The following TMCC2 variants were observed in gnomAD, a reference collection of about 807,000 sequenced individuals.
TMCC2 encodes transmembrane and coiled-coil domains protein 2.
A neutral mutation model predicts 49.4 loss-of-function variants in TMCC2; 16 were observed. That is an observed-to-expected ratio of 0.32 (90% confidence interval 0.22 to 0.49). The LOEUF (loss-of-function observed/expected upper bound fraction) is 0.49, where lower values mean the gene tolerates loss of function less well. Ranked by LOEUF, TMCC2 falls within the 20% of genes least tolerant of loss-of-function variation. The probability of loss-of-function intolerance (pLI) is 0.99; values close to 1 mark genes in which losing one functional copy is unlikely to be tolerated. For synonymous variants in TMCC2, 397 were observed against 434.1 expected (o/e 0.91, Z 1.06); for missense variants, 762 against 989.8 (o/e 0.77, Z 3.09).
chr1:205,260,869 C>G (rs1385985628), intron 2 of TMCC2, among the ~76,000 whole-genome samples: 1 of 152,176 alleles, frequency 6.6e-6, no homozygotes, highest in Admixed American at 6.5e-5. Context: ...TTGTTTCTTT[C>G]ATGGCCGAAT....
At position 205,266,453 on chromosome 1, in the gene TMCC2, C is replaced by T. The variant is rs1003236448; in HGVS notation, c.748-2497C>T. ...TAAAAATACAAAAAAATTAGCCGGG[C>T]GTGGCGGCTCATGCCTGTAATCCCA... On this transcript the variant is annotated intron_variant, in intron 2 of 4. Transcript: ENST00000358024. 2.8e-4 allele frequency among the ~76,000 whole-genome samples: 43 copies of T among 151,602 alleles called. 1 individual carries two copies. Among genetic ancestry groups the T allele is most frequent in the Non-Finnish European group, 1.5e-4 (10 of 67,904 alleles).
rs1159994575 is a variant in TMCC2 at position 205,228,529 on chromosome 1, G to GCC, written c.-36_-35insCC. On this transcript the variant is annotated 5_prime_UTR_variant, in exon 1 of 5. Coordinates refer to ENST00000358024, the MANE Select transcript of TMCC2 (RefSeq NM_014858.4). ...GCGGTCTTCCCCAAGACGGCGCGCTGGAAGGACAGATTCCCCTTGCCGACC... is the reference window on the plus strand; with the variant it reads ...GCGGTCTTCCCCAAGACGGCGCGCTGCCGAAGGACAGATTCCCCTTGCCGACC... 1.1e-5 allele frequency: 18 copies of GCC among 1,567,488 alleles called. No individual in the cohort carries two copies. Among genetic ancestry groups the GCC allele is most frequent in the Non-Finnish European group, 1.6e-5 (18 of 1,150,300 alleles).
chr1:205,248,886 C>T (rs1024382796), intron 2 of TMCC2, among the ~76,000 whole-genome samples: 3 of 152,154 alleles, frequency 2.0e-5, no homozygotes, highest in East Asian at 3.8e-4. Context: ...AGGAAGGGGA[C>T]GCAGCACAGG....
rs147734146 is a variant in TMCC2, at chr1:205,269,330, G to A, written c.1128G>A (p.Val376=). 2.0e-4 allele frequency: 320 copies of A among 1,613,274 alleles called. No individual in the cohort carries two copies. The highest frequency in any genetic ancestry group is 2.2e-4 in the Non-Finnish European group (265 of 1,179,900). ...GGCCCTCGCGGCAGCCCAAGGACGT[G>A]CTGCGGGACATGCAGCAGGGGCTGA... ...QNGPSRQPKD[V]LRDMQQGLKD... is the part of the protein sequence containing the mutation. Residue 376 remains valine, a synonymous_variant, in exon 3 of 5, where the codon GTG becomes GTA. Coordinates refer to ENST00000358024, the MANE Select transcript of TMCC2 (RefSeq NM_014858.4).
chr1:205,247,031 C>T (rs763008994), intron 2 of TMCC2, among the ~76,000 whole-genome samples: 3 of 152,224 alleles, frequency 2.0e-5, no homozygotes, highest in South Asian at 2.1e-4. Flanking sequence ...TTATGGAAGA[C>T]GAGACCCAGA....
At position 205,269,680 on chromosome 1, in the gene TMCC2, C is replaced by T. The variant is rs759349387; in HGVS notation, c.1478C>T (p.Ser493Phe). The change falls in exon 3 of 5, where the codon TCT (serine) becomes TTT (phenylalanine). Residue 493 changes from serine (S) to phenylalanine (F), a missense_variant. Ser to Phe is a radical substitution (Grantham distance 155, BLOSUM62 -2). Around this residue, in one of 2 missense-constraint regions of TMCC2, gnomAD observed 440 missense variants for 636.7 expected, o/e 0.69. Coordinates refer to ENST00000358024, the MANE Select transcript of TMCC2 (RefSeq NM_014858.4). ...SASSAGAGSN[S>F]GAGPGGALGS... ...AGCTCAGCCGGGGCAGGCAGCAACT[C>T]TGGGGCTGGGCCTGGTGGGGCGCTG... The T allele has an allele frequency of 9.9e-6, 16 of 1,613,836 alleles. No homozygotes were observed. The highest frequency in any genetic ancestry group is 8.5e-7 in the Non-Finnish European group (1 of 1,179,948).
chr1:205,256,554 C>T, intron 2 of TMCC2: 2 of 898,062 alleles, frequency 2.2e-6, no homozygotes, highest in South Asian at 3.0e-5. Flanking sequence ...GATCTCAGGG[C>T]AGAAGAATTC....
rs567290636 is a variant in TMCC2 at position 205,255,172 on chromosome 1, C to T, written c.747+13128C>T. Among the ~76,000 whole-genome samples, 4 of 142,716 alleles carry T rather than the reference C, an allele frequency of 2.8e-5. No individual in the cohort carries two copies. In the East Asian group the frequency reaches 8.0e-4, roughly 29 times the overall value. The allele number at this position is 142,716 out of a possible 152,430, so 93.6% of individuals were successfully genotyped here. ...GAGGTGTGATCGTGCCACTGCACTC[C>T]AGTCTGGGTGACAGAGCAAGATCCT... On this transcript the variant is annotated intron_variant, in intron 2 of 4. Transcript: ENST00000358024.
intron 1 of TMCC2, among the ~76,000 whole-genome samples, chr1:205,240,713 T>C (rs1660231311): frequency 6.6e-6 from 1 of 152,158 alleles, no homozygotes; most frequent in Admixed American, 6.5e-5. Flanking sequence ...TCGTCAACCA[T>C]GTCATCTTGT....
intron 2 of TMCC2, among the ~76,000 whole-genome samples, chr1:205,246,071 G>T (rs966320801): frequency 1.3e-5 from 2 of 152,052 alleles, no homozygotes; most frequent in African/African-American, 4.8e-5. Context: ...CAGGGCATCT[G>T]GTTCAGAAGC....
chr1:205,252,984 A>G (rs1172203812), intron 2 of TMCC2, among the ~76,000 whole-genome samples: 1 of 151,648 alleles, frequency 6.6e-6, no homozygotes, highest in Admixed American at 6.6e-5. Context: ...TAATAATAAA[A>G]CTAGCTGAGT....
intron 2 of TMCC2, among the ~76,000 whole-genome samples, chr1:205,261,509 T>C (rs138041542): frequency 1.3e-5 from 2 of 152,168 alleles, no homozygotes; most frequent in East Asian, 1.9e-4. Context: ...AGCCCACTTA[T>C]TTCCTTTCTA....
At chr1:205,265,425 T>C (rs913774900) in intron 2 of TMCC2, among the ~76,000 whole-genome samples, 7 of 152,270 alleles carry the variant, frequency 4.6e-5, no homozygotes, top group South Asian at 2.1e-4. Flanking sequence ...AAAACACTTT[T>C]GCTTTTCACA....
Position 205,241,900 on chromosome 1 carries a change from C to G in TMCC2, c.603C>G (p.Ala201=), listed in dbSNP as rs138237601. The G allele has an allele frequency of 1.5e-3, 2,473 of 1,609,194 alleles. 4 individuals are homozygous for G. The highest frequency in any genetic ancestry group is 2.0e-3 in the Non-Finnish European group (2,306 of 1,179,112). The change falls in exon 2 of 5, where the codon GCC becomes GCG. Residue 201 remains alanine (A), a synonymous_variant. Transcript: ENST00000358024. This position sits in a 1 kb window ranked among gnomAD's most constrained non-coding sequence, Gnocchi z 7.3. ...QRGSPHLLRK[A]PQDSSLAAIL... ...GCAGCCCTCACCTGCTGCGCAAGGCCCCCCAGGACAGCAGCCTGGCCGCCA... is the reference window on the plus strand; with the variant it reads ...GCAGCCCTCACCTGCTGCGCAAGGCGCCCCAGGACAGCAGCCTGGCCGCCA...
intron 1 of TMCC2, among the ~76,000 whole-genome samples, chr1:205,237,555 C>T (rs996045047): frequency 5.3e-5 from 8 of 152,326 alleles, no homozygotes; most frequent in African/African-American, 1.9e-4. Flanking sequence ...TGAGAACACA[C>T]GTACCTGTAA....
At chr1:205,242,577 C>A (rs1660314956) in intron 2 of TMCC2, among the ~76,000 whole-genome samples, 1 of 152,164 alleles carries the variant, frequency 6.6e-6, no homozygotes, top group South Asian at 2.1e-4. Flanking sequence ...AGGAGAAAAG[C>A]TAGTTTAGCA....
chr1:205,239,260 A>G (rs150517966), intron 1 of TMCC2, among the ~76,000 whole-genome samples: 15 of 152,346 alleles, frequency 9.8e-5, no homozygotes, highest in Non-Finnish European at 2.1e-4. Context: ...CAAATGCCAG[A>G]GCCAGCTGGC....
rs1005570661 is a variant in TMCC2, at chr1:205,255,013, G to A, written c.747+12969G>A. On this transcript the variant is annotated intron_variant, in intron 2 of 4. Coordinates refer to ENST00000358024, the MANE Select transcript of TMCC2 (RefSeq NM_014858.4). ...GATCGTTTGTGCCCAGGAGTTCAAG[G>A]TCAGCCTGAGCAACATGGTGAAACC... is the stretch of plus-strand genomic sequence containing the variant. 3.9e-5 allele frequency among the ~76,000 whole-genome samples: 6 copies of A among 152,184 alleles called. 1 individual carries two copies. The highest frequency in any genetic ancestry group is 3.3e-4 in the Admixed American group (5 of 15,294).
chr1:205,266,541 T>G (rs934088204), intron 2 of TMCC2, among the ~76,000 whole-genome samples: 1 of 148,210 alleles, frequency 6.7e-6, no homozygotes, highest in Admixed American at 6.8e-5. Context: ...TGCAGTGAGC[T>G]GAGATGGCCC....
Sources: allele counts gnomAD v4.1 joint callset (sites outside exome capture counted in the v4.1 genomes callset), GRCh38; gene constraint gnomAD v4.1.1; regional missense constraint gnomAD v4.1.1; non-coding constraint Gnocchi (gnomAD v3.1); transcripts MANE v1.5; gene names NCBI Gene and HGNC (gene_info 2026-07-23, HGNC 2026-07-21).